The following ULK4 variants were observed in gnomAD, a reference collection of about 807,000 sequenced individuals.
ULK4 encodes inactive serine/threonine-protein kinase ULK4.
ULK4 carries 133 observed loss-of-function variants against 160.6 expected under a neutral mutation model. The observed-to-expected ratio is 0.83, with a 90% CI of 0.72 to 0.96. The LOEUF (loss-of-function observed/expected upper bound fraction) is 0.96, where lower values mean the gene tolerates loss of function less well. Ranked by LOEUF, ULK4 falls within the 40% of genes least tolerant of loss-of-function variation. The pLI, the probability that ULK4 is intolerant of heterozygous loss-of-function variation, is 0.00. For synonymous variants in ULK4, 534 were observed against 539.8 expected (o/e 0.99, Z 0.15); for missense variants, 1,580 against 1,499.5 (o/e 1.05, Z -0.89).
At chr3:41,394,536 T>C (rs2082016894) in intron 35 of ULK4, among the ~76,000 whole-genome samples, 1 of 152,156 alleles carries the variant, frequency 6.6e-6, no homozygotes, top group Non-Finnish European at 1.5e-5. Context: ...AAAGCCTACT[T>C]TGTAATATTT....
chr3:41,720,314 T>A (rs1468797412), intron 22 of ULK4, among the ~76,000 whole-genome samples: 1 of 152,192 alleles, frequency 6.6e-6, no homozygotes, highest in Admixed American at 6.5e-5. Context: ...TAAAGTTCTA[T>A]CTAGTTCTCT....
chr3:41,421,497 T>C (rs1010567761), intron 34 of ULK4, among the ~76,000 whole-genome samples: 9 of 152,202 alleles, frequency 5.9e-5, no homozygotes, highest in Admixed American at 3.9e-4. Flanking sequence ...AAAGGAAGAA[T>C]TGCTAGCTGA....
chr3:41,907,826 A>G lies in ULK4; in HGVS notation c.1182+19T>C. On this transcript the variant is annotated intron_variant, in intron 12 of 36. Transcript: ENST00000301831. Reference sequence around the variant, plus strand: ...CTTCTACATCTTATGTAGGAAGAAAATTTCCCAAGTCTGCTCACCTTGGTC... The same window carrying G: ...CTTCTACATCTTATGTAGGAAGAAAGTTTCCCAAGTCTGCTCACCTTGGTC... 1 of 1,515,354 alleles carries G rather than the reference A, an allele frequency of 6.6e-7. No individual in the cohort carries two copies. Among genetic ancestry groups the G allele is most frequent in the Non-Finnish European group, 8.9e-7 (1 of 1,128,642 alleles). 93.9% of individuals were successfully genotyped at this position (1,515,354 alleles called of 1,614,324 possible). A position where few individuals can be genotyped will look rare whatever the true frequency, so the allele number is the denominator to read the frequency against.
At chr3:41,894,071 C>A (rs1307333656) in intron 16 of ULK4, among the ~76,000 whole-genome samples, 1 of 152,032 alleles carries the variant, frequency 6.6e-6, no homozygotes, top group Non-Finnish European at 1.5e-5. Context: ...GGGAAAAAAA[C>A]AGTATGTGTG....
chr3:41,252,609 GAAAA>G (rs35292590), intron 35 of ULK4, among the ~76,000 whole-genome samples: 2 of 104,524 alleles, frequency 1.9e-5, no homozygotes, highest in Non-Finnish European at 1.9e-5. Flanking sequence ...AGCAGAGATT[GAAAA>G]AAAAAAAAAA....
chr3:41,428,833 C>G (rs769993083), intron 34 of ULK4, among the ~76,000 whole-genome samples: 4 of 152,058 alleles, frequency 2.6e-5, no homozygotes, highest in Non-Finnish European at 5.9e-5. Context: ...CAATACCATT[C>G]AGGACACAGG....
chr3:41,847,546 A>ATT (rs1160232725), intron 17 of ULK4, among the ~76,000 whole-genome samples: 1 of 152,222 alleles, frequency 6.6e-6, no homozygotes, highest in African/African-American at 2.4e-5. Flanking sequence ...CTTTTAAAAT[A>ATT]TTTCGGTATT....
intron 5 of ULK4, among the ~76,000 whole-genome samples, chr3:41,930,056 C>T (rs1575969264): frequency 6.6e-6 from 1 of 152,122 alleles, no homozygotes. Flanking sequence ...AAGAACAAAG[C>T]TGGAGGCATC....
At chr3:41,530,062 A>G (rs2643961) in intron 32 of ULK4, among the ~76,000 whole-genome samples, 128,956 of 152,164 alleles carry the variant, frequency 0.85, 55,116 homozygotes, top group Middle Eastern at 0.9. Flanking sequence ...TAGTTGCACA[A>G]CCTCGTGAAT....
chr3:41,954,151 T>C (rs1051293267), intron 2 of ULK4, among the ~76,000 whole-genome samples: 4 of 136,288 alleles, frequency 2.9e-5, no homozygotes, highest in African/African-American at 5.5e-5. Flanking sequence ...CACTCTAGCC[T>C]GGGCGACAGA....
At chr3:41,773,917 G>A (rs12497408) in intron 21 of ULK4, among the ~76,000 whole-genome samples, 11,221 of 151,380 alleles carry the variant, frequency 0.074, 1,025 homozygotes, top group African/African-American at 0.24. Flanking sequence ...AAATAATGCC[G>A]CATATCTACA....
At chr3:41,450,492 T>C (rs955812360) in intron 34 of ULK4, among the ~76,000 whole-genome samples, 1 of 152,142 alleles carries the variant, frequency 6.6e-6, no homozygotes, top group Non-Finnish European at 1.5e-5. Context: ...GGTTGACAGG[T>C]TTCATATTCT....
intron 35 of ULK4, among the ~76,000 whole-genome samples, chr3:41,345,613 G>C (rs562703982): frequency 1.3e-5 from 2 of 152,140 alleles, no homozygotes; most frequent in Non-Finnish European, 2.9e-5. Context: ...CACACACAGT[G>C]GGGCCTGTTA....
At chr3:41,470,271 T>C (rs1392091645) in intron 32 of ULK4, among the ~76,000 whole-genome samples, 1 of 152,128 alleles carries the variant, frequency 6.6e-6, no homozygotes, top group East Asian at 1.9e-4. Flanking sequence ...CAATACAATG[T>C]CAGTAGATTT....
chr3:41,615,571 G>T, intron 31 of ULK4, 98 bp downstream of exon 31: 1 of 1,159,246 alleles, frequency 8.6e-7, no homozygotes, highest in Non-Finnish European at 1.2e-6. Flanking sequence ...AATCCTTCAG[G>T]GCAGAGGCAG....
intron 32 of ULK4, among the ~76,000 whole-genome samples, chr3:41,518,372 T>C (rs1487604082): frequency 6.6e-6 from 1 of 152,210 alleles, no homozygotes; most frequent in Non-Finnish European, 1.5e-5. Flanking sequence ...TGCAAAATTC[T>C]GCAGGCTTTA....
intron 27 of ULK4, among the ~76,000 whole-genome samples, chr3:41,686,501 A>C (rs938906145): frequency 6.6e-6 from 1 of 152,190 alleles, no homozygotes; most frequent in African/African-American, 2.4e-5. Flanking sequence ...TGTGTGTAAG[A>C]TATTTAGAGT....
rs2083960878 is a variant in ULK4, at chr3:41,470,472, A to T, written c.3227-7219T>A. On this transcript the variant is annotated intron_variant, in intron 32 of 36. Coordinates refer to ENST00000301831, the MANE Select transcript of ULK4 (RefSeq NM_017886.4). ...TAGGCTTGCCTTACATGATTGGCTA[A>T]AGAGAGTTAAGTTAAACAAAAAACC... 5.9e-5 allele frequency among the ~76,000 whole-genome samples: 9 copies of T among 152,210 alleles called. No homozygotes were observed. In the South Asian group the frequency reaches 1.9e-3, roughly 31 times the overall value.
At chr3:41,574,364 A>T (rs1246715727) in intron 31 of ULK4, among the ~76,000 whole-genome samples, 1 of 151,816 alleles carries the variant, frequency 6.6e-6, no homozygotes, top group Non-Finnish European at 1.5e-5. Context: ...TCATCTAGTC[A>T]GCCACAAAGT....
Sources: gnomAD v4.1 joint callset for allele counts (sites outside exome capture counted in the v4.1 genomes callset) on GRCh38, gnomAD v4.1.1 for gene constraint, MANE v1.5 for transcripts, NCBI Gene and HGNC (gene_info 2026-07-23, HGNC 2026-07-21) for gene names.